Variants in ITGA6 observed in about 807,000 individuals in gnomAD.
The protein encoded by ITGA6 is integrin subunit alpha 6.
Under a neutral mutation model 133.6 loss-of-function variants are expected in ITGA6, and 63 were observed. The ratio of observed to expected loss-of-function variants is 0.47; its 90% CI spans 0.38 to 0.58. The LOEUF (loss-of-function observed/expected upper bound fraction) is 0.58. Ranked by LOEUF, ITGA6 falls within the 20% of genes least tolerant of loss-of-function variation. ITGA6 has a pLI of 0.00. For synonymous variants in ITGA6, 434 were observed against 482.0 expected (o/e 0.90, Z 1.30); for missense variants, 1,068 against 1,309.4 (o/e 0.82, Z 2.85).
intron 9 of ITGA6, among the ~76,000 whole-genome samples, chr2:172,479,081 G>A (rs1559142984): frequency 6.6e-6 from 1 of 152,166 alleles, no homozygotes; most frequent in Non-Finnish European, 1.5e-5. Flanking sequence ...TGTGAAAGCA[G>A]AAAGCTCAAC....
At chr2:172,450,695 CTG>C (rs1684950266) in intron 1 of ITGA6, among the ~76,000 whole-genome samples, 1 of 151,744 alleles carries the variant, frequency 6.6e-6, no homozygotes, top group African/African-American at 2.4e-5. Flanking sequence ...TGCCTCAAGC[CTG>C]TAATCCCAGC....
upstream of ITGA6, chr2:172,427,442 C>G (rs1359448543): frequency 7.7e-6 from 8 of 1,032,444 alleles, no homozygotes; most frequent in East Asian, 3.7e-4. Context: ...GGGCAGGTAC[C>G]GGGCAGCTGG....
At chr2:172,452,014 T>TTTTTTTTTTTTTTTTTTTTGA (rs1553529770) in intron 1 of ITGA6, among the ~76,000 whole-genome samples, 29 of 150,964 alleles carry the variant, frequency 1.9e-4, no homozygotes, top group South Asian at 4.2e-4. Context: ...ATTTTTACTT[T>TTTTTTTTTTTTTTTTTTTTGA]GGTAATTTTA....
chr2:172,440,222 C>G (rs1684484929), intron 1 of ITGA6, among the ~76,000 whole-genome samples: 1 of 152,138 alleles, frequency 6.6e-6, no homozygotes, highest in South Asian at 2.1e-4. Flanking sequence ...AAGAACAAGG[C>G]TGACATCTTG....
chr2:172,506,175 T>G lies in ITGA6; in HGVS notation c.*2107T>G, dbSNP rs1687553600. The G allele has an allele frequency of 6.6e-6, 1 of 152,614 alleles. No individual in the cohort carries two copies. The highest frequency in any genetic ancestry group is 1.5e-5 in the Non-Finnish European group (1 of 68,000). The allele number at this position is 152,614 out of a possible 1,614,324, so 9.5% of individuals were successfully genotyped here. A position where few individuals can be genotyped will look rare whatever the true frequency, so the allele number is the denominator to read the frequency against. Reference sequence around the variant, plus strand: ...TGGATATTTGTATAAAAGTGTGAAATAAATTTTTTATAAAAGTGTTCATTG... The same window carrying G: ...TGGATATTTGTATAAAAGTGTGAAAGAAATTTTTTATAAAAGTGTTCATTG... On this transcript the variant is annotated 3_prime_UTR_variant, in exon 26 of 26. Transcript: ENST00000684293.
chr2:172,466,643 T>C (rs900829277), intron 2 of ITGA6, among the ~76,000 whole-genome samples: 3 of 152,166 alleles, frequency 2.0e-5, no homozygotes, highest in Non-Finnish European at 2.9e-5. Flanking sequence ...ACATGTGTTC[T>C]TTTATTAGAA....
At chr2:172,494,418 G>A (rs563714573) in intron 23 of ITGA6, among the ~76,000 whole-genome samples, 27 of 152,270 alleles carry the variant, frequency 1.8e-4, no homozygotes, top group South Asian at 4.1e-4. Context: ...TGAGCTGAGA[G>A]GATCACCTCA....
chr2:172,436,492 G>C (rs1315107603), intron 1 of ITGA6, among the ~76,000 whole-genome samples: 2 of 152,206 alleles, frequency 1.3e-5, no homozygotes, highest in East Asian at 1.9e-4. Context: ...TAAGCTCTGA[G>C]AGACAATGAT....
intron 1 of ITGA6, chr2:172,465,293 T>TGA: frequency 1.7e-6 from 1 of 573,864 alleles, no homozygotes; most frequent in Non-Finnish European, 3.1e-6. Context: ...GCTGATACTA[T>TGA]GAGAGACAGG....
intron 1 of ITGA6, among the ~76,000 whole-genome samples, chr2:172,451,638 C>T (rs964608641): frequency 1.3e-5 from 2 of 152,070 alleles, no homozygotes; most frequent in Non-Finnish European, 2.9e-5. Flanking sequence ...TGAGAGTTAT[C>T]AGTGAATGGA....
chr2:172,427,629 G>T lies in ITGA6; in HGVS notation c.-160G>T. 1 of 1,283,774 alleles carries T rather than the reference G, an allele frequency of 7.8e-7. No individual in the cohort carries two copies. The highest frequency in any genetic ancestry group is 3.3e-5 in the East Asian group (1 of 30,120). 79.5% of individuals were successfully genotyped at this position (1,283,774 alleles called of 1,614,324 possible). ...TCGCGAGCTGCCCGCGAGGGGGAGCGGCCGGACGGAGAGCGCGACCCGTCC... is the reference window on the plus strand; with the variant it reads ...TCGCGAGCTGCCCGCGAGGGGGAGCTGCCGGACGGAGAGCGCGACCCGTCC... On this transcript the variant is annotated 5_prime_UTR_variant, in exon 1 of 26. Transcript: ENST00000684293.
At chr2:172,427,453 A>T, upstream of ITGA6, 1 of 1,043,700 alleles carries the variant, frequency 9.6e-7, no homozygotes, top group East Asian at 8.4e-5. Flanking sequence ...GGGCAGCTGG[A>T]GACGCCAGAG....
At chr2:172,448,432 C>T (rs1462907629) in intron 1 of ITGA6, among the ~76,000 whole-genome samples, 1 of 152,042 alleles carries the variant, frequency 6.6e-6, no homozygotes, top group Admixed American at 6.6e-5. Context: ...AGTTACTTGT[C>T]TTCTCAATTT....
intron 9 of ITGA6, 97 bp from the exon 10 acceptor site, chr2:172,479,544 C>G (rs1686335049): frequency 4.1e-6 from 4 of 965,746 alleles, no homozygotes; most frequent in Non-Finnish European, 6.8e-6. Context: ...TGTTTTTAAG[C>G]TGTGCTGGGC....
chr2:172,497,336 A>T (rs560286783), intron 23 of ITGA6, among the ~76,000 whole-genome samples: 2 of 152,188 alleles, frequency 1.3e-5, no homozygotes, highest in African/African-American at 4.8e-5. Context: ...CAACAAAAAA[A>T]TTTTTAAAAA....
rs1048415319 is a variant in ITGA6, at chr2:172,435,052, GTGTGTGTA to G, written c.182+7085_182+7092del. 3.3e-4 allele frequency among the ~76,000 whole-genome samples: 50 copies of G among 151,428 alleles called. No individual in the cohort carries two copies. In the East Asian group the frequency reaches 6.4e-3, roughly 19 times the overall value. ...AGTGTGTGTGTGTGTGTGTGTGTGT[GTGTGTGTA>G]TGATGCAAATGATAATAAACATTTC... On this transcript the variant is annotated intron_variant, in intron 1 of 25. Transcript: ENST00000684293.
chr2:172,489,670 GA>G lies in ITGA6; in HGVS notation c.2679+13del. The G allele has an allele frequency of 6.2e-7, 1 of 1,608,964 alleles. No individual in the cohort carries two copies. The highest frequency in any genetic ancestry group is 8.5e-7 in the Non-Finnish European group (1 of 1,175,510). Reference sequence around the variant, plus strand: ...CCCTGAACCTAACGGTATGTCGGTAGATTTATCTAATGTCTCCATAAATGCA... The same window carrying G: ...CCCTGAACCTAACGGTATGTCGGTAGTTTATCTAATGTCTCCATAAATGCA... On this transcript the variant is annotated intron_variant, in intron 20 of 25. Transcript: ENST00000684293.
chr2:172,499,658 G>A (rs754254764), intron 24 of ITGA6, among the ~76,000 whole-genome samples: 1 of 152,102 alleles, frequency 6.6e-6, no homozygotes, highest in Non-Finnish European at 1.5e-5. Flanking sequence ...CATTGCACCC[G>A]GCCTTGAAAA....
At chr2:172,474,328 A>G in intron 6 of ITGA6, 63 bp downstream of exon 6, 3 of 1,402,116 alleles carry the variant, frequency 2.1e-6, no homozygotes, top group Non-Finnish European at 3.0e-6. Flanking sequence ...CTTCTATACG[A>G]CTGGAGAAGA....
Sources: gnomAD v4.1 joint callset for allele counts (sites outside exome capture counted in the v4.1 genomes callset) on GRCh38, gnomAD v4.1.1 for gene constraint, MANE v1.5 for transcripts, NCBI Gene and HGNC (gene_info 2026-07-23, HGNC 2026-07-21) for gene names.